NRG3: variants seen among roughly 807,000 people sequenced by gnomAD.
NRG3 encodes neuregulin 3.
In NRG3, 31 loss-of-function variants were observed where a neutral mutation model predicts 66.9. That is an observed-to-expected ratio of 0.46 (90% confidence interval 0.35 to 0.63). NRG3 has a LOEUF of 0.63. Among genes scored for constraint, NRG3 ranks in the 20% least tolerant of loss-of-function variants. The pLI is 0.00. For missense variants in NRG3, 910 were observed against 878.9 expected, an observed-to-expected ratio of 1.04 and a Z score of -0.45; for synonymous variants, 393 against 359.4, an observed-to-expected ratio of 1.09 and a Z score of -1.06.
chr10:81,970,819 A>G (rs1229891550), intron 1 of NRG3, among the ~76,000 whole-genome samples: 2 of 152,186 alleles, frequency 1.3e-5, no homozygotes, highest in African/African-American at 2.4e-5. Flanking sequence ...TAGGAAGCAC[A>G]TTTTAAGAAT....
chr10:82,707,846 TAAAAAAAAA>T (rs373670610), intron 2 of NRG3, among the ~76,000 whole-genome samples: 56 of 82,638 alleles, frequency 6.8e-4, no homozygotes, highest in South Asian at 1.4e-3. Context: ...TCATCTCTAC[TAAAAAAAAA>T]AAAAAAAAAA....
At chr10:82,820,505 G>T (rs922829174) in intron 3 of NRG3, among the ~76,000 whole-genome samples, 2 of 151,888 alleles carry the variant, frequency 1.3e-5, no homozygotes, top group Non-Finnish European at 2.9e-5. Flanking sequence ...ACATAGTCTG[G>T]GCCCGGAAAT....
Position 82,536,721 on chromosome 10 carries a change from G to A in NRG3, c.953+177853G>A, listed in dbSNP as rs578200893. On this transcript the variant is annotated intron_variant, in intron 2 of 8. Coordinates refer to ENST00000372141, the MANE Select transcript of NRG3 (RefSeq NM_001010848.4). ...AGACTTTGTAATCTGGAGACCTTGTGATTATTAATTCAGAGGGGATTCATC... is the reference window on the plus strand; with the variant it reads ...AGACTTTGTAATCTGGAGACCTTGTAATTATTAATTCAGAGGGGATTCATC... Among the ~76,000 whole-genome samples the A allele has an allele frequency of 7.2e-5, 11 of 152,176 alleles. No homozygotes were observed. In the East Asian group the frequency reaches 1.7e-3, roughly 24 times the overall value.
intron 2 of NRG3, among the ~76,000 whole-genome samples, chr10:82,428,999 T>G (rs2089622816): frequency 6.6e-6 from 1 of 152,008 alleles, no homozygotes; most frequent in Non-Finnish European, 1.5e-5. Flanking sequence ...TGTCTTAAAG[T>G]CTCTTTCGCC....
intron 1 of NRG3, among the ~76,000 whole-genome samples, chr10:82,288,827 G>A (rs2079563624): frequency 6.6e-6 from 1 of 152,198 alleles, no homozygotes; most frequent in African/African-American, 2.4e-5. Context: ...ACTGTGTTGT[G>A]AAACACACGA....
At chr10:82,350,700 G>A (rs1306887738) in intron 1 of NRG3, among the ~76,000 whole-genome samples, 1 of 152,172 alleles carries the variant, frequency 6.6e-6, no homozygotes, top group Non-Finnish European at 1.5e-5. Context: ...ATGTGTTCCA[G>A]TATTATTGGA....
chr10:82,542,208 A>T (rs183681061), intron 2 of NRG3, among the ~76,000 whole-genome samples: 1 of 152,250 alleles, frequency 6.6e-6, no homozygotes, highest in Non-Finnish European at 1.5e-5. Context: ...TTTGCTGAGG[A>T]TGATGGTTTC....
intron 2 of NRG3, among the ~76,000 whole-genome samples, chr10:82,507,525 A>T (rs968915339): frequency 1.3e-5 from 2 of 152,206 alleles, no homozygotes; most frequent in African/African-American, 4.8e-5. Flanking sequence ...CCCTGCAATG[A>T]AGACACAAAG....
chr10:82,092,047 A>G (rs1458189938), intron 1 of NRG3, among the ~76,000 whole-genome samples: 1 of 152,192 alleles, frequency 6.6e-6, no homozygotes, highest in Admixed American at 6.6e-5. Context: ...TTATTACTAT[A>G]GTTAACATTT....
chr10:82,349,786 A>G lies in NRG3; in HGVS notation c.824-8953A>G, dbSNP rs534490649. ...CTCTTGGTGTGCCGTTTTTTAAGCC[A>G]GTCGGAAAAGCGCAGTATTCGGGTG... On this transcript the variant is annotated intron_variant, in intron 1 of 8. Transcript: ENST00000372141. Among the ~76,000 whole-genome samples, 485 of 152,272 alleles carry G rather than the reference A, an allele frequency of 3.2e-3. 1 individual carries two copies. Among genetic ancestry groups the G allele is most frequent in the Non-Finnish European group, 4.4e-3 (296 of 68,018 alleles).
intron 2 of NRG3, among the ~76,000 whole-genome samples, chr10:82,517,624 ACCCC>A (rs1261047169): frequency 2.2e-5 from 2 of 90,594 alleles, no homozygotes; most frequent in East Asian, 7.9e-4. Flanking sequence ...TCTCTCTCTC[ACCCC>A]GCCCCCCCGT....
chr10:82,398,197 CAGCAGCAGTAGTCCTGTGAAAG>C (rs1262669461), intron 2 of NRG3, among the ~76,000 whole-genome samples: 1 of 152,112 alleles, frequency 6.6e-6, no homozygotes, highest in African/African-American at 2.4e-5. Context: ...AGGCCAGACT[CAGCAGCAGTAGTCCTGTGAAAG>C]AGCTAGACTA....
chr10:82,261,717 G>A (rs966312063), intron 1 of NRG3, among the ~76,000 whole-genome samples: 2 of 152,216 alleles, frequency 1.3e-5, no homozygotes, highest in African/African-American at 2.4e-5. Context: ...GCTCTGGCTA[G>A]TTATCTGCAG....
intron 2 of NRG3, among the ~76,000 whole-genome samples, chr10:82,476,344 T>A (rs1841782230): frequency 6.6e-6 from 1 of 152,158 alleles, no homozygotes; most frequent in Non-Finnish European, 1.5e-5. Flanking sequence ...TCCAGCAATT[T>A]CACTTGTAGG....
At chr10:82,018,921 C>CT (rs200321029) in intron 1 of NRG3, among the ~76,000 whole-genome samples, 2,055 of 152,236 alleles carry the variant, frequency 0.013, 52 homozygotes, top group African/African-American at 0.047. Flanking sequence ...ATCGAATACA[C>CT]TTTTTTTCTT....
intron 2 of NRG3, among the ~76,000 whole-genome samples, chr10:82,667,319 A>C (rs535363711): frequency 3.8e-4 from 58 of 152,154 alleles, no homozygotes; most frequent in Non-Finnish European, 6.8e-4. Flanking sequence ...AACACTGCCC[A>C]GATGTGGCTC....
At chr10:82,328,824 T>C (rs1289080221) in intron 1 of NRG3, among the ~76,000 whole-genome samples, 1 of 152,216 alleles carries the variant, frequency 6.6e-6, no homozygotes, top group Non-Finnish European at 1.5e-5. Context: ...TGTAGGAGCA[T>C]ACTAGAAGTT....
chr10:82,817,677 G>T (rs2061771778), intron 3 of NRG3, among the ~76,000 whole-genome samples: 1 of 152,176 alleles, frequency 6.6e-6, no homozygotes, highest in Non-Finnish European at 1.5e-5. Context: ...TCTTGGTAAG[G>T]AAGTTTGCCA....
intron 2 of NRG3, among the ~76,000 whole-genome samples, chr10:82,431,447 A>G (rs947861427): frequency 6.6e-6 from 1 of 152,188 alleles, no homozygotes; most frequent in Non-Finnish European, 1.5e-5. Flanking sequence ...TCTTGCCAAG[A>G]TGTATTCACT....
Sources: allele counts gnomAD v4.1 joint callset (sites outside exome capture counted in the v4.1 genomes callset), GRCh38; gene constraint gnomAD v4.1.1; transcripts MANE v1.5; gene names NCBI Gene and HGNC (gene_info 2026-07-23, HGNC 2026-07-21).